Variants in ZDHHC15 observed in about 807,000 individuals in gnomAD.
ZDHHC15 encodes the protein zDHHC palmitoyltransferase 15.
In ZDHHC15, 19 loss-of-function variants were observed where a neutral mutation model predicts 31.7. The observed-to-expected ratio is 0.60, with a 90% CI of 0.42 to 0.88. The LOEUF (loss-of-function observed/expected upper bound fraction) is 0.88. Among genes scored for constraint, ZDHHC15 ranks in the 40% least tolerant of loss-of-function variants. The pLI is 0.00. For missense variants in ZDHHC15, 209 were observed against 251.2 expected, an observed-to-expected ratio of 0.83 and a Z score of 1.14; for synonymous variants, 103 against 90.0, an observed-to-expected ratio of 1.14 and a Z score of -0.82.
At chrX:75,486,050 C>T (rs960366741) in intron 2 of ZDHHC15, among the ~76,000 whole-genome samples, 19 of 111,242 alleles carry the variant, frequency 1.7e-4, no homozygotes, top group African/African-American at 6.3e-4. Context: ...CAAAAAAAAT[C>T]ACAGACCCTT....
chrX:75,430,992 C>A (rs1427689426), intron 5 of ZDHHC15, among the ~76,000 whole-genome samples: 1 of 111,445 alleles, frequency 9.0e-6, no homozygotes, highest in Non-Finnish European at 1.9e-5. Flanking sequence ...GGAGATGAGA[C>A]ATCACTATTA....
intron 3 of ZDHHC15, among the ~76,000 whole-genome samples, chrX:75,454,866 G>A (rs1455181505): frequency 9.0e-6 from 1 of 111,728 alleles, no homozygotes. Context: ...TTAAATAAAA[G>A]AGGACACAAA....
intron 10 of ZDHHC15, among the ~76,000 whole-genome samples, chrX:75,388,706 G>A (rs1170846695): frequency 9.0e-6 from 1 of 111,661 alleles, no homozygotes; most frequent in Admixed American, 9.5e-5. Flanking sequence ...AAGCAAAAAA[G>A]GGCAGTAGAA....
intron 3 of ZDHHC15, among the ~76,000 whole-genome samples, chrX:75,471,812 T>C (rs1056966996): frequency 4.4e-4 from 49 of 111,698 alleles, no homozygotes; most frequent in African/African-American, 1.6e-3. Flanking sequence ...GGGATGCTGT[T>C]TGGAGCCTTT....
intron 10 of ZDHHC15, among the ~76,000 whole-genome samples, chrX:75,393,200 C>T (rs987564058): frequency 2.7e-5 from 3 of 111,384 alleles, no homozygotes; most frequent in African/African-American, 9.8e-5. Flanking sequence ...AGCCTGTTGA[C>T]TTAAAGGTAG....
At chrX:75,450,707 G>T in intron 4 of ZDHHC15, 95 bp downstream of exon 4, 1 of 1,203,133 alleles carries the variant, frequency 8.3e-7, no homozygotes, top group South Asian at 1.8e-5. Flanking sequence ...CAGAAGATGG[G>T]AGGAAAAAAA....
intron 10 of ZDHHC15, among the ~76,000 whole-genome samples, chrX:75,389,602 C>A (rs756346534): frequency 1.8e-5 from 2 of 110,712 alleles, no homozygotes; most frequent in African/African-American, 3.3e-5. Flanking sequence ...TAGACACACC[C>A]TGTGCCAGAA....
intron 2 of ZDHHC15, among the ~76,000 whole-genome samples, chrX:75,490,104 C>A (rs1295401521): frequency 1.8e-5 from 2 of 111,723 alleles, no homozygotes; most frequent in African/African-American, 3.3e-5. Context: ...AAGACCAAAT[C>A]TACGTCTGAC....
At position 75,479,160 on chromosome X, in the gene ZDHHC15, A is replaced by T. The variant is rs145611548; in HGVS notation, c.164-175T>A. 3.0e-3 allele frequency among the ~76,000 whole-genome samples: 333 copies of T among 111,926 alleles called. 1 individual carries two copies. Among genetic ancestry groups the T allele is most frequent in the African/African-American group, 9.8e-3 (303 of 30,846 alleles). ...ACAGTGACAGAAACAAGCCATAATG[A>T]CAAACCTGAAACAAAGACATTCTGC... On this transcript the variant is annotated intron_variant, in intron 2 of 11. Coordinates refer to ENST00000373367, the MANE Select transcript of ZDHHC15 (RefSeq NM_144969.3).
At chrX:75,496,155 G>C (rs1316231315) in intron 2 of ZDHHC15, among the ~76,000 whole-genome samples, 1 of 110,758 alleles carries the variant, frequency 9.0e-6, no homozygotes, top group Non-Finnish European at 1.9e-5. Flanking sequence ...TAAAGGTGTG[G>C]AAAAAGATAT....
chrX:75,424,109 T>A (rs1283435202), intron 8 of ZDHHC15, among the ~76,000 whole-genome samples: 1 of 111,761 alleles, frequency 8.9e-6, no homozygotes, highest in Non-Finnish European at 1.9e-5. Flanking sequence ...TTGTTCAATG[T>A]ATTTATCTCA....
In ZDHHC15 at chrX:75,523,018, G is replaced by A. The variant is rs1217211278; in HGVS notation, c.7C>T (p.Arg3Ter). MR[R>*]GWKMALSGGL... ...CCAGACAGAGCCATCTTCCAGCCTC[G>A]CCGCATCTTTGGCTCGAAGATCGAC... The change falls in exon 1 of 12, where the codon CGA (arginine) becomes TGA (stop). Residue 3 changes from arginine to a stop codon, truncating the protein, a stop_gained. Transcript: ENST00000373367. LOFTEE classifies it high-confidence loss of function. The A allele has an allele frequency of 1.7e-6, 2 of 1,205,898 alleles. No homozygotes were observed. The highest frequency in any genetic ancestry group is 3.5e-5 in the African/African-American group (2 of 57,072).
At chrX:75,390,525 G>C (rs1362493288) in intron 10 of ZDHHC15, among the ~76,000 whole-genome samples, 2 of 111,656 alleles carry the variant, frequency 1.8e-5, no homozygotes, top group Non-Finnish European at 3.8e-5. Context: ...TTGTTTGTTT[G>C]GGGGAAAGTA....
intron 3 of ZDHHC15, among the ~76,000 whole-genome samples, chrX:75,473,097 A>G (rs1039446210): frequency 2.7e-5 from 3 of 111,811 alleles, no homozygotes; most frequent in African/African-American, 6.5e-5. Flanking sequence ...CCTCTAACCA[A>G]TGCACTCACT....
At chrX:75,397,412 G>A (rs980860341) in intron 10 of ZDHHC15, among the ~76,000 whole-genome samples, 7 of 110,856 alleles carry the variant, frequency 6.3e-5, no homozygotes, top group African/African-American at 2.3e-4. Context: ...CAGAAATAAA[G>A]GATAAATGCT....
At chrX:75,480,423 T>A (rs73494474) in intron 2 of ZDHHC15, among the ~76,000 whole-genome samples, 2,023 of 111,357 alleles carry the variant, frequency 0.018, 57 homozygotes, top group African/African-American at 0.062. Context: ...ATGAAAGATT[T>A]GTAATATTTT....
At chrX:75,451,039 A>T (rs2084108884) in intron 3 of ZDHHC15, 117 bp from the exon 4 acceptor site, 3 of 882,697 alleles carry the variant, frequency 3.4e-6, no homozygotes, top group Non-Finnish European at 4.6e-6. Flanking sequence ...AAGCTCAGGT[A>T]CCACTTAGTC....
At chrX:75,493,460 C>G (rs1296039046) in intron 2 of ZDHHC15, among the ~76,000 whole-genome samples, 2 of 111,527 alleles carry the variant, frequency 1.8e-5, no homozygotes, top group Non-Finnish European at 3.8e-5. Flanking sequence ...GATACCAAAG[C>G]CTGGCAGAGA....
chrX:75,391,482 C>G (rs1395545574), intron 10 of ZDHHC15, among the ~76,000 whole-genome samples: 1 of 111,755 alleles, frequency 8.9e-6, no homozygotes, highest in African/African-American at 3.2e-5. Flanking sequence ...CAAGAAACAA[C>G]ATACAATGGC....
Sources: gnomAD v4.1 joint callset for allele counts (sites outside exome capture counted in the v4.1 genomes callset) on GRCh38, gnomAD v4.1.1 for gene constraint, MANE v1.5 for transcripts, NCBI Gene and HGNC (gene_info 2026-07-23, HGNC 2026-07-21) for gene names.